Variants in RIF1 observed in about 807,000 individuals in gnomAD.
RIF1 encodes replication timing regulatory factor 1, also known as telomere-associated protein RIF1.
RIF1 carries 45 observed loss-of-function variants against 247.1 expected under a neutral mutation model. The ratio of observed to expected loss-of-function variants is 0.18; its 90% confidence interval spans 0.14 to 0.23. The LOEUF is 0.23. Among genes scored for constraint, RIF1 ranks in the 10% least tolerant of loss-of-function variants. RIF1 has a pLI of 1.00. For synonymous variants in RIF1, 1,087 were observed against 978.8 expected, an observed-to-expected ratio of 1.11 and a Z score of -2.06; for missense variants, 2,967 against 2,862.5, an observed-to-expected ratio of 1.04 and a Z score of -0.83.
chr2:151,457,999 T>A (rs1261855609), intron 24 of RIF1, 36 bp downstream of exon 24: 1 of 1,425,132 alleles, frequency 7.0e-7, no homozygotes, highest in Non-Finnish European at 9.9e-7. Context: ...CAACTAACTA[T>A]TCTGTTGTGA....
intron 10 of RIF1, chr2:151,497,790 A>G (rs2152976899): frequency 1.3e-6 from 2 of 1,541,290 alleles, no homozygotes; most frequent in East Asian, 4.9e-5. Flanking sequence ...TTTAAGGATG[A>G]GGAAAAAACA....
the RIF1 span, chr2:151,524,225 C>G: frequency 4.3e-6 from 5 of 1,167,708 alleles, no homozygotes; most frequent in Non-Finnish European, 6.3e-6. Flanking sequence ...CATCCCTTTG[C>G]ATTTTCAATC....
intron 13 of RIF1, chr2:151,507,234 T>C (rs141134755): frequency 1.2e-4 from 58 of 465,672 alleles, no homozygotes; most frequent in East Asian, 5.3e-4. Flanking sequence ...TTTGTTTAAG[T>C]ATCCCTTGCT....
chr2:151,454,227 G>A lies in RIF1; in HGVS notation c.2345-668G>A, dbSNP rs1222267604. On this transcript the variant is annotated intron_variant, in intron 21 of 35. Coordinates refer to ENST00000444746, the MANE Select transcript of RIF1 (RefSeq NM_018151.5). ...CCTTAAAAGAATGGATTGATTGAGA[G>A]AAACAAGTAATTTTGGAATGGGTAA... Among the ~76,000 whole-genome samples, 14 of 152,182 alleles carry A rather than the reference G, an allele frequency of 9.2e-5. No individual in the cohort carries two copies. The East Asian group carries it at 2.7e-3, about 29-fold the overall frequency.
chr2:151,489,757 GTTTTT>G (rs372813378), intron 9 of RIF1, among the ~76,000 whole-genome samples: 1 of 147,998 alleles, frequency 6.8e-6, no homozygotes, highest in African/African-American at 2.5e-5. Context: ...CTAGGTTTGG[GTTTTT>G]TTTTTAAGTT....
At chr2:151,487,766 CAT>C (rs141261492) in intron 9 of RIF1, among the ~76,000 whole-genome samples, 22 of 151,582 alleles carry the variant, frequency 1.5e-4, no homozygotes, top group South Asian at 6.3e-4. Flanking sequence ...TACATACACA[CAT>C]ATATATATAT....
intron 34 of RIF1, 85 bp downstream of exon 34, chr2:151,469,949 T>G: frequency 1.1e-6 from 1 of 919,042 alleles, no homozygotes; most frequent in Middle Eastern, 3.3e-4. Flanking sequence ...GATCACTTCA[T>G]AATGGCACAG....
chr2:151,512,896 C>T (rs755565215), downstream of RIF1: 32 of 1,196,628 alleles, frequency 2.7e-5, no homozygotes, highest in Admixed American at 9.7e-5. Flanking sequence ...CAGTTGTTGG[C>T]TTGATTTGAT....
intron 9 of RIF1, chr2:151,493,906 G>T: frequency 7.5e-7 from 1 of 1,333,986 alleles, no homozygotes; most frequent in Non-Finnish European, 1.0e-6. Context: ...TCACTACGAG[G>T]TAATAATCAC....
intron 9 of RIF1, among the ~76,000 whole-genome samples, chr2:151,430,609 T>C (rs1162714170): frequency 6.6e-6 from 1 of 152,176 alleles, no homozygotes; most frequent in Non-Finnish European, 1.5e-5. Flanking sequence ...CAAGAGCCAC[T>C]GCTCCCAGCC....
intron 21 of RIF1, among the ~76,000 whole-genome samples, chr2:151,452,419 A>T (rs1158364694): frequency 6.6e-6 from 1 of 152,232 alleles, no homozygotes; most frequent in East Asian, 1.9e-4. Flanking sequence ...ATGTTGAGAT[A>T]TATTATTCTT....
chr2:151,466,151 C>A, intron 30 of RIF1, 31 bp downstream of exon 30: 5 of 1,365,164 alleles, frequency 3.7e-6, no homozygotes, highest in South Asian at 1.4e-5. Flanking sequence ...TATTAAGGAA[C>A]CCAGTATTTG....
chr2:151,465,144 A>T lies in RIF1; in HGVS notation c.5624A>T (p.Glu1875Val), dbSNP rs781353794. ...CLGDSKNVSQ[E>V]SLETKEEKPE... ...GGAGACTCGAAAAATGTTTCACAGG[A>T]ATCTTTGGAGACAAAAGAAGAAAAA... The change falls in exon 30 of 36, where the codon GAA becomes GTA. Residue 1875 changes from glutamate to valine, a missense_variant. Around this residue, in one of 7 missense-constraint regions of RIF1, gnomAD observed 2,028 missense variants for 1,825.6 expected, o/e 1.11. Coordinates refer to ENST00000444746, the MANE Select transcript of RIF1 (RefSeq NM_018151.5). 1 of 1,613,514 alleles carries T rather than the reference A, an allele frequency of 6.2e-7. No homozygotes were observed. The highest frequency in any genetic ancestry group is 1.1e-5 in the South Asian group (1 of 90,948).
Position 151,475,014 on chromosome 2 carries a change from T to G in RIF1, c.7362T>G (p.Ser2454=). ...AGAAACTAAGTTGTATGGCAAACTCTGTAATAAAAAATCTACAGTCACGTT... is the reference window on the plus strand; with the variant it reads ...AGAAACTAAGTTGTATGGCAAACTCGGTAATAAAAAATCTACAGTCACGTT... ...MHEKLSCMAN[S]VIKNLQSRWR... is the part of the protein sequence containing the mutation. Residue 2454 remains serine, a synonymous_variant, in exon 36 of 36, where the codon TCT becomes TCG. Transcript: ENST00000444746. The G allele has an allele frequency of 6.2e-7, 1 of 1,613,778 alleles. No homozygotes were observed. The highest frequency in any genetic ancestry group is 8.5e-7 in the Non-Finnish European group (1 of 1,179,748).
intron 10 of RIF1, chr2:151,497,573 A>AAAGT (rs1270616957): frequency 6.5e-7 from 1 of 1,535,798 alleles, no homozygotes; most frequent in Non-Finnish European, 8.8e-7. Flanking sequence ...TTAAATCATG[A>AAAGT]AAGTTTTCAA....
At chr2:151,491,635 A>G (rs975015633) in intron 9 of RIF1, 2 of 1,405,596 alleles carry the variant, frequency 1.4e-6, no homozygotes, top group Non-Finnish European at 2.0e-6. Context: ...TGACTCTAGC[A>G]TACTAAATGG....
chr2:151,414,733 G>A lies in RIF1; in HGVS notation c.184-90G>A, dbSNP rs1686896611. 6 of 793,756 alleles carry A rather than the reference G, an allele frequency of 7.6e-6. No homozygotes were observed. In the South Asian group the frequency reaches 8.3e-5, roughly 11 times the overall value. The allele number at this position is 793,756 out of a possible 1,614,324, so 49.2% of individuals were successfully genotyped here. A position where few individuals can be genotyped will look rare whatever the true frequency, so the allele number is the denominator to read the frequency against. On this transcript the variant is annotated intron_variant, in intron 3 of 35. Transcript: ENST00000444746. ...CAAGGATTTGTTGGAGTAACATGATGAATATGCTTGTTCTGTAATCAACTT... is the reference window on the plus strand; with the variant it reads ...CAAGGATTTGTTGGAGTAACATGATAAATATGCTTGTTCTGTAATCAACTT...
chr2:151,526,973 A>G, the RIF1 span: 2 of 1,604,826 alleles, frequency 1.2e-6, no homozygotes, highest in Non-Finnish European at 1.7e-6. Flanking sequence ...GTCATCAGTG[A>G]CAGAAAGCTT....
In RIF1 at chr2:151,437,499, T is replaced by G. The variant is rs1573986409; in HGVS notation, c.1483+148T>G. 6.5e-6 allele frequency: 4 copies of G among 613,716 alleles called. No homozygotes were observed. The East Asian group carries it at 1.1e-4, about 17-fold the overall frequency. 38.0% of individuals were successfully genotyped at this position (613,716 alleles called of 1,614,324 possible). On this transcript the variant is annotated intron_variant, in intron 13 of 35. Transcript: ENST00000444746. The stretch of plus-strand genomic sequence containing the variant: ...TGAGCTCAGGAGTTCGAGACCAGCC[T>G]GGGCAACATGACAAAACCCTGTCTC...
Sources: gnomAD v4.1 joint callset for allele counts (sites outside exome capture counted in the v4.1 genomes callset) on GRCh38, gnomAD v4.1.1 for gene constraint, gnomAD v4.1.1 regional missense constraint, MANE v1.5 for transcripts, NCBI Gene and HGNC (gene_info 2026-07-23, HGNC 2026-07-21) for gene names.